Variants in RASSF8 observed in about 807,000 individuals in gnomAD.
RASSF8 encodes ras association domain-containing protein 8.
A neutral mutation model predicts 48.5 loss-of-function variants in RASSF8; 22 were observed. The ratio of observed to expected loss-of-function variants is 0.45; its 90% CI spans 0.32 to 0.65. RASSF8 has a LOEUF of 0.65. Ranked by LOEUF, RASSF8 falls within the 30% of genes least tolerant of loss-of-function variation. RASSF8 has a pLI of 0.03. For synonymous variants in RASSF8, 127 were observed against 171.5 expected (o/e 0.74, Z 2.03); for missense variants, 418 against 489.2 (o/e 0.85, Z 1.37).
At chr12:25,971,517 C>G (rs1014189408) in intron 1 of RASSF8, among the ~76,000 whole-genome samples, 1 of 152,024 alleles carries the variant, frequency 6.6e-6, no homozygotes, top group Non-Finnish European at 1.5e-5. Flanking sequence ...GTCATTAATG[C>G]TTGTACTTCA....
intron 2 of RASSF8, among the ~76,000 whole-genome samples, chr12:26,029,102 G>C (rs1942975236): frequency 6.6e-6 from 1 of 152,208 alleles, no homozygotes; most frequent in Admixed American, 6.5e-5. Context: ...TTAGCATGGT[G>C]CTATTCCACA....
At chr12:26,030,717 G>A (rs1022666927) in intron 2 of RASSF8, among the ~76,000 whole-genome samples, 1 of 151,006 alleles carries the variant, frequency 6.6e-6, no homozygotes, top group African/African-American at 2.4e-5. Context: ...TTAGATTTTA[G>A]TAGATAAGCA....
intron 2 of RASSF8, chr12:26,011,652 T>C (rs1193314010): frequency 2.0e-5 from 3 of 152,156 alleles, no homozygotes; most frequent in African/African-American, 4.8e-5. Flanking sequence ...AGGGCCATCA[T>C]AAATGGGATT....
intron 1 of RASSF8, among the ~76,000 whole-genome samples, chr12:25,977,184 C>T (rs768888514): frequency 6.6e-6 from 1 of 152,184 alleles, no homozygotes; most frequent in Non-Finnish European, 1.5e-5. Context: ...AGGCTTCCTT[C>T]CATTAAGTCA....
intron 1 of RASSF8, among the ~76,000 whole-genome samples, chr12:25,987,077 G>A (rs1485166476): frequency 6.6e-6 from 1 of 152,156 alleles, no homozygotes; most frequent in Non-Finnish European, 1.5e-5. Flanking sequence ...TGGGATTATA[G>A]GCATGTGCCA....
At position 26,014,973 on chromosome 12, in the gene RASSF8, A is replaced by G. The variant is rs1457205004; in HGVS notation, c.-109+19843A>G. ...GTAATCCCAGCACTTTGGGAGGCCA[A>G]GGTGGGAGGATCGCTTGAGCCCAGG... On this transcript the variant is annotated intron_variant, in intron 2 of 5. Transcript: ENST00000689635. 2.0e-5 allele frequency among the ~76,000 whole-genome samples: 3 copies of G among 151,958 alleles called. No homozygotes were observed. The East Asian group carries it at 5.8e-4, about 29-fold the overall frequency.
intron 2 of RASSF8, among the ~76,000 whole-genome samples, chr12:26,048,531 A>C (rs1378600603): frequency 6.6e-6 from 1 of 152,136 alleles, no homozygotes; most frequent in Non-Finnish European, 1.5e-5. Flanking sequence ...GCCCATCAGG[A>C]ATTGTCTTGT....
intron 1 of RASSF8, among the ~76,000 whole-genome samples, chr12:25,965,308 A>T (rs1369687113): frequency 2.0e-5 from 3 of 151,980 alleles, no homozygotes; most frequent in Admixed American, 2.0e-4. Context: ...ACAATTTTAC[A>T]AGATTTGATC....
chr12:26,063,708 T>G (rs1202538307), intron 3 of RASSF8, among the ~76,000 whole-genome samples: 1 of 152,018 alleles, frequency 6.6e-6, no homozygotes, highest in Non-Finnish European at 1.5e-5. Flanking sequence ...CCTGCTGGTT[T>G]GTTTTTAACA....
At chr12:26,045,321 T>TA (rs1943349854) in intron 2 of RASSF8, among the ~76,000 whole-genome samples, 1 of 152,184 alleles carries the variant, frequency 6.6e-6, no homozygotes. Context: ...TAAGAAACAT[T>TA]AAAGTTTTCT....
chr12:25,997,469 G>T (rs1404540992), intron 2 of RASSF8, among the ~76,000 whole-genome samples: 1 of 152,168 alleles, frequency 6.6e-6, no homozygotes, highest in Non-Finnish European at 1.5e-5. Flanking sequence ...GTGTGTATGT[G>T]TGTGTGTGAG....
intron 1 of RASSF8, among the ~76,000 whole-genome samples, chr12:25,991,306 T>C (rs1242606050): frequency 1.3e-5 from 2 of 152,254 alleles, no homozygotes; most frequent in Non-Finnish European, 2.9e-5. Context: ...TAACCTGATA[T>C]TGTGTTAACA....
intron 2 of RASSF8, among the ~76,000 whole-genome samples, chr12:26,034,177 C>T (rs1020312204): frequency 1.3e-5 from 2 of 151,912 alleles, no homozygotes; most frequent in African/African-American, 4.8e-5. Flanking sequence ...ATGGTAAGCA[C>T]GTGGCACACT....
At chr12:26,073,753 A>T (rs1451870946), downstream of RASSF8, among the ~76,000 whole-genome samples, 238 of 104,604 alleles carry the variant, frequency 2.3e-3, no homozygotes, top group African/African-American at 8.0e-3. Context: ...CTCTATACAC[A>T]CACACACACA....
rs1941154469 is a variant in RASSF8 at position 25,958,999 on chromosome 12, C to CGCGCGGCGCGGGGA, written c.-347_-334dup. ...GCCGGGGCCTCCAGCCGGTGCGGGGCGCGCGGCGCGGGGAGCGCCGGGGAG... is the reference window on the plus strand; with the variant it reads ...GCCGGGGCCTCCAGCCGGTGCGGGGCGCGCGGCGCGGGGAGCGCGGCGCGGGGAGCGCCGGGGAG... On this transcript the variant is annotated 5_prime_UTR_variant, in exon 1 of 6. Transcript: ENST00000689635. 1 of 146,530 alleles carries CGCGCGGCGCGGGGA rather than the reference C, an allele frequency of 6.8e-6. No individual in the cohort carries two copies. The highest frequency in any genetic ancestry group is 2.1e-4 in the South Asian group (1 of 4,834). The allele number at this position is 146,530 out of a possible 1,614,324, so 9.1% of individuals were successfully genotyped here.
At chr12:25,985,606 C>T (rs915600195) in intron 1 of RASSF8, among the ~76,000 whole-genome samples, 15 of 152,186 alleles carry the variant, frequency 9.9e-5, no homozygotes, top group Admixed American at 9.2e-4. Flanking sequence ...CGAGGATCTG[C>T]AATGTGGCAA....
At chr12:25,995,385 T>C (rs1592244931) in intron 2 of RASSF8, among the ~76,000 whole-genome samples, 1 of 152,198 alleles carries the variant, frequency 6.6e-6, no homozygotes, top group Admixed American at 6.5e-5. Flanking sequence ...TCATAAAATA[T>C]GCCTTAGGTT....
At chr12:26,003,340 G>T (rs1478919118) in intron 2 of RASSF8, among the ~76,000 whole-genome samples, 2 of 152,144 alleles carry the variant, frequency 1.3e-5, no homozygotes, top group Non-Finnish European at 2.9e-5. Flanking sequence ...TTGATGTGCT[G>T]TTGAGTTCAG....
chr12:25,990,185 AAG>A (rs1012716027), intron 1 of RASSF8, among the ~76,000 whole-genome samples: 3 of 150,092 alleles, frequency 2.0e-5, no homozygotes, highest in Admixed American at 6.6e-5. Context: ...AATGTGAAAA[AAG>A]TAAAAAAAAT....
Sources: allele counts gnomAD v4.1 joint callset (sites outside exome capture counted in the v4.1 genomes callset), GRCh38; gene constraint gnomAD v4.1.1; transcripts MANE v1.5; gene names NCBI Gene and HGNC (gene_info 2026-07-23, HGNC 2026-07-21).